The following PDE3B variants were observed in gnomAD, a reference collection of about 807,000 sequenced individuals.
PDE3B encodes phosphodiesterase 3B.
Under a neutral mutation model 116.8 loss-of-function variants are expected in PDE3B, and 66 were observed. The ratio of observed to expected loss-of-function variants is 0.56; its 90% CI spans 0.46 to 0.69. PDE3B has a LOEUF of 0.69. PDE3B is among the 30% of genes least tolerant of loss of function. The pLI is 0.00. For missense variants in PDE3B, 1,384 were observed against 1,368.1 expected (o/e 1.01, Z -0.18); for synonymous variants, 595 against 533.6 (o/e 1.12, Z -1.59).
At chr11:14,843,790 C>A in intron 11 of PDE3B, 37 bp from the exon 12 acceptor site, 1 of 1,507,726 alleles carries the variant, frequency 6.6e-7, no homozygotes, top group Non-Finnish European at 9.2e-7. Flanking sequence ...AATTTATGTG[C>A]TAATGCTGGT....
intron 1 of PDE3B, among the ~76,000 whole-genome samples, chr11:14,707,384 G>A (rs960367724): frequency 6.6e-6 from 1 of 151,876 alleles, no homozygotes. Flanking sequence ...AGAGGAGGGT[G>A]GAAAGATAGC....
intron 12 of PDE3B, among the ~76,000 whole-genome samples, chr11:14,853,008 TC>T (rs1847783563): frequency 1.4e-5 from 2 of 148,004 alleles, no homozygotes; most frequent in Non-Finnish European, 3.0e-5. Context: ...TAAGTCTCTC[TC>T]TCTTTTTTTT....
At chr11:14,852,672 AC>A (rs1165132526) in intron 12 of PDE3B, among the ~76,000 whole-genome samples, 1 of 152,152 alleles carries the variant, frequency 6.6e-6, no homozygotes, top group Non-Finnish European at 1.5e-5. Context: ...ATAGCCTCTT[AC>A]CTAGTCTCCT....
chr11:14,727,718 CAGAT>C (rs1422294369), intron 1 of PDE3B, among the ~76,000 whole-genome samples: 1 of 152,056 alleles, frequency 6.6e-6, no homozygotes, highest in Non-Finnish European at 1.5e-5. Context: ...ATCTGCTAAT[CAGAT>C]AGATCTGTTT....
chr11:14,840,402 C>G (rs1360991208), intron 11 of PDE3B, among the ~76,000 whole-genome samples: 1 of 152,180 alleles, frequency 6.6e-6, no homozygotes, highest in Admixed American at 6.5e-5. Flanking sequence ...TCCTCCAGTT[C>G]ATAAATTTGT....
intron 2 of PDE3B, among the ~76,000 whole-genome samples, chr11:14,780,644 T>G (rs1857961660): frequency 6.6e-6 from 1 of 151,924 alleles, no homozygotes; most frequent in South Asian, 2.1e-4. Context: ...CATACCAGAA[T>G]CTCTGGGACA....
intron 12 of PDE3B, among the ~76,000 whole-genome samples, chr11:14,851,949 G>GT (rs1565165347): frequency 6.6e-6 from 1 of 152,176 alleles, no homozygotes; most frequent in Non-Finnish European, 1.5e-5. Context: ...GATTAAGGAG[G>GT]TAACATATGG....
chr11:14,786,617 T>C lies in PDE3B; in HGVS notation c.1210T>C (p.Phe404Leu), dbSNP rs201577403. The change falls in exon 3 of 16, where the codon TTT becomes CTT. Residue 404 changes from phenylalanine (F) to leucine (L), a missense_variant. Around this residue, in one of 2 missense-constraint regions of PDE3B, gnomAD observed 956 missense variants for 806.8 expected, o/e 1.18. Coordinates refer to ENST00000282096, the MANE Select transcript of PDE3B (RefSeq NM_000922.4). The stretch of plus-strand genomic sequence containing the variant: ...GCCAAAGATTAATCCTCTCACACCA[T>C]TTCCTGGATTTTACCCCTGTTCTGA... ...CRPKINPLTP[F>L]PGFYPCSEIE... 40 of 1,612,494 alleles carry C rather than the reference T, an allele frequency of 2.5e-5. 1 individual carries two copies. Among genetic ancestry groups the C allele is most frequent in the Admixed American group, 3.3e-5 (2 of 59,928 alleles).
chr11:14,702,704 C>G (rs1042229641), intron 1 of PDE3B, among the ~76,000 whole-genome samples: 2 of 151,874 alleles, frequency 1.3e-5, no homozygotes, highest in African/African-American at 4.8e-5. Flanking sequence ...TTCACACCAG[C>G]CACACTTTAA....
chr11:14,799,626 T>C (rs1386471130), intron 4 of PDE3B, among the ~76,000 whole-genome samples: 2 of 152,190 alleles, frequency 1.3e-5, no homozygotes, highest in East Asian at 3.8e-4. Context: ...TTATATTGGG[T>C]ACATATATAT....
intron 2 of PDE3B, among the ~76,000 whole-genome samples, chr11:14,777,517 CAT>C (rs762417396): frequency 6.6e-6 from 1 of 152,190 alleles, no homozygotes; most frequent in Admixed American, 6.5e-5. Context: ...AGAAACAACA[CAT>C]AACCTATAGG....
At chr11:14,722,550 C>T (rs1856150890) in intron 1 of PDE3B, among the ~76,000 whole-genome samples, 1 of 152,114 alleles carries the variant, frequency 6.6e-6, no homozygotes. Context: ...CGTTTAATAG[C>T]AATTTTACAA....
At chr11:14,649,176 G>C (rs1853495273) in intron 1 of PDE3B, among the ~76,000 whole-genome samples, 1 of 152,042 alleles carries the variant, frequency 6.6e-6, no homozygotes, top group Admixed American at 6.5e-5. Context: ...TCAGTGGCAG[G>C]CCCTTCTCTC....
Position 14,669,309 on chromosome 11 carries a change from C to T in PDE3B, c.978+24256C>T, listed in dbSNP as rs535639905. On this transcript the variant is annotated intron_variant, in intron 1 of 15. Transcript: ENST00000282096. ...TACCCCAGGCTCACTTCCTGTCTTT[C>T]TGTCTTCTGCTCTTGTATTCCATTG... Among the ~76,000 whole-genome samples the T allele has an allele frequency of 4.6e-5, 7 of 152,132 alleles. No individual in the cohort carries two copies. In the South Asian group the frequency reaches 1.5e-3, roughly 32 times the overall value.
chr11:14,806,728 G>A (rs1475733307), intron 5 of PDE3B, among the ~76,000 whole-genome samples: 8 of 148,236 alleles, frequency 5.4e-5, no homozygotes, highest in African/African-American at 9.9e-5. Context: ...GCGTAGTGGC[G>A]GGCGCCTGTA....
intron 5 of PDE3B, among the ~76,000 whole-genome samples, chr11:14,815,920 TAAAG>T (rs1859310768): frequency 1.3e-5 from 2 of 149,964 alleles, no homozygotes; most frequent in African/African-American, 2.5e-5. Context: ...TGGCAAAAGA[TAAAG>T]AACATTATAT....
At chr11:14,891,714 G>C in the PDE3B span, 2 of 1,261,804 alleles carry the variant, frequency 1.6e-6, no homozygotes, top group Non-Finnish European at 2.0e-6. Flanking sequence ...AGCTCGAGCG[G>C]TAGCGGGAAA....
At chr11:14,670,821 T>C (rs1266120198) in intron 1 of PDE3B, among the ~76,000 whole-genome samples, 1 of 152,142 alleles carries the variant, frequency 6.6e-6, no homozygotes, top group Middle Eastern at 3.2e-3. Context: ...TGTTCCTAAC[T>C]ACCTTCCAAC....
chr11:14,754,671 G>C lies in PDE3B; in HGVS notation c.979-17266G>C, dbSNP rs568103530. 5.3e-5 allele frequency among the ~76,000 whole-genome samples: 8 copies of C among 152,268 alleles called. No individual in the cohort carries two copies. In the East Asian group the frequency reaches 1.5e-3, roughly 29 times the overall value. ...TTTAGTCCCAGCTACTCAGGAGGCT[G>C]AGGTGGGTGGATCGCTTGAGCCCAG... On this transcript the variant is annotated intron_variant, in intron 1 of 15. Transcript: ENST00000282096.
Sources: gnomAD v4.1 joint callset for allele counts (sites outside exome capture counted in the v4.1 genomes callset) on GRCh38, gnomAD v4.1.1 for gene constraint, gnomAD v4.1.1 regional missense constraint, MANE v1.5 for transcripts, NCBI Gene and HGNC (gene_info 2026-07-23, HGNC 2026-07-21) for gene names.